The following THSD7B variants were observed in gnomAD, a reference collection of about 807,000 sequenced individuals.
THSD7B encodes thrombospondin type-1 domain-containing protein 7B.
Under a neutral mutation model 213.6 loss-of-function variants are expected in THSD7B, and 138 were observed. The observed-to-expected ratio is 0.65, with a 90% CI of 0.56 to 0.74. The LOEUF (loss-of-function observed/expected upper bound fraction) is 0.74, where lower values mean the gene tolerates loss of function less well. Ranked by LOEUF, THSD7B falls within the 30% of genes least tolerant of loss-of-function variation. The pLI is 0.00. For synonymous variants in THSD7B, 742 were observed against 687.0 expected (o/e 1.08, Z -1.25); for missense variants, 1,931 against 1,991.5 (o/e 0.97, Z 0.58).
intron 1 of THSD7B, among the ~76,000 whole-genome samples, chr2:136,834,604 A>G (rs78693586): frequency 0.02 from 3,058 of 152,200 alleles, 58 homozygotes; most frequent in East Asian, 0.081. Flanking sequence ...GTCTAGGACT[A>G]GGGGTATAGT....
chr2:137,200,449 G>A (rs538928315), intron 7 of THSD7B, among the ~76,000 whole-genome samples: 2 of 151,508 alleles, frequency 1.3e-5, no homozygotes, highest in East Asian at 3.9e-4. Context: ...TTTTTAATGA[G>A]TTTACATTGT....
chr2:136,887,795 C>T (rs1340899527), intron 2 of THSD7B, among the ~76,000 whole-genome samples: 1 of 152,032 alleles, frequency 6.6e-6, no homozygotes, highest in Non-Finnish European at 1.5e-5. Context: ...AAGTATAATA[C>T]TAACACTAAT....
At chr2:137,295,591 TCA>T (rs1405238520) in intron 12 of THSD7B, among the ~76,000 whole-genome samples, 1 of 152,070 alleles carries the variant, frequency 6.6e-6, no homozygotes, top group Admixed American at 6.5e-5. Context: ...TTCTCCTGCC[TCA>T]GTTTCCTGAG....
intron 5 of THSD7B, among the ~76,000 whole-genome samples, chr2:137,124,851 CT>C (rs1688605429): frequency 6.6e-6 from 1 of 152,124 alleles, no homozygotes; most frequent in African/African-American, 2.4e-5. Flanking sequence ...TACTTACCAT[CT>C]TTTTTGTGGT....
chr2:136,835,133 C>G (rs1682823185), intron 1 of THSD7B, among the ~76,000 whole-genome samples: 1 of 152,166 alleles, frequency 6.6e-6, no homozygotes, highest in African/African-American at 2.4e-5. Flanking sequence ...TATCAGGACT[C>G]TATTTCTATA....
At chr2:137,213,568 CAT>C in intron 7 of THSD7B, among the ~76,000 whole-genome samples, 1 of 150,248 alleles carries the variant, frequency 6.7e-6, no homozygotes, top group Non-Finnish European at 1.5e-5. Flanking sequence ...TGTGGATAAT[CAT>C]ATATAATGAT....
chr2:137,078,003 T>C (rs941813828), intron 3 of THSD7B, among the ~76,000 whole-genome samples: 1 of 152,340 alleles, frequency 6.6e-6, no homozygotes, highest in African/African-American at 2.4e-5. Flanking sequence ...AATTTTTGTA[T>C]AAGATGTAAG....
intron 15 of THSD7B, among the ~76,000 whole-genome samples, chr2:137,554,568 C>T (rs1255582573): frequency 7.2e-5 from 11 of 152,154 alleles, no homozygotes; most frequent in South Asian, 4.2e-4. Context: ...AGAGGGGAGG[C>T]GGTTCCAAGA....
At chr2:137,525,739 C>T (rs930060587) in intron 15 of THSD7B, among the ~76,000 whole-genome samples, 2 of 152,090 alleles carry the variant, frequency 1.3e-5, no homozygotes, top group African/African-American at 4.8e-5. Flanking sequence ...GAGAAGAAAG[C>T]TGGAGATCAA....
chr2:137,282,545 AT>A (rs1683052310), intron 12 of THSD7B, among the ~76,000 whole-genome samples: 1 of 152,128 alleles, frequency 6.6e-6, no homozygotes, highest in Non-Finnish European at 1.5e-5. Context: ...TAGGTCTAAC[AT>A]TTAAGTCTTT....
chr2:137,358,528 T>G (rs980869917), intron 12 of THSD7B, among the ~76,000 whole-genome samples: 4 of 152,210 alleles, frequency 2.6e-5, no homozygotes, highest in Non-Finnish European at 5.9e-5. Flanking sequence ...CAAAATATCT[T>G]AAAAATACCA....
intron 5 of THSD7B, among the ~76,000 whole-genome samples, chr2:137,148,018 G>T (rs1679737548): frequency 6.6e-6 from 1 of 152,012 alleles, no homozygotes; most frequent in South Asian, 2.1e-4. Context: ...GTTTAGCTGT[G>T]TCCCCACCCA....
At position 137,572,557 on chromosome 2, in the gene THSD7B, G is replaced by A. The variant is rs766932981; in HGVS notation, c.3423+1G>A. 1 of 1,613,624 alleles carries A rather than the reference G, an allele frequency of 6.2e-7. No individual in the cohort carries two copies. The highest frequency in any genetic ancestry group is 8.5e-7 in the Non-Finnish European group (1 of 1,179,680). The stretch of plus-strand genomic sequence containing the variant: ...GGGACTTTGGAGCAAATGCCCACAG[G>A]TAATTTCTCTTTCTTTGTCAATGCT... On this transcript the variant is annotated splice_donor_variant, in intron 17 of 27. Coordinates refer to ENST00000409968, the MANE Select transcript of THSD7B (RefSeq NM_001316349.2). LOFTEE classifies it high-confidence loss of function.
At chr2:137,616,127 A>G (rs568626595) in intron 17 of THSD7B, 48 bp from the exon 18 acceptor site, 2 of 1,595,344 alleles carry the variant, frequency 1.3e-6, no homozygotes, top group Admixed American at 1.8e-5. Context: ...TATATAATTT[A>G]TCAAATAACT....
At position 136,802,639 on chromosome 2, in the gene THSD7B, T is replaced by TTATATATATATATA. The variant is rs56719114; in HGVS notation, c.-36+36982_-36+36995dup. The stretch of plus-strand genomic sequence containing the variant: ...TTTAAAAATAATTTATGAATTAAGT[T>TTATATATATATATA]TATATATATATATATATATATATAT... On this transcript the variant is annotated intron_variant, in intron 1 of 27. Transcript: ENST00000409968. 3.5e-3 allele frequency among the ~76,000 whole-genome samples: 201 copies of TTATATATATATATA among 57,354 alleles called. 9 individuals are homozygous for TTATATATATATATA. Among genetic ancestry groups the TTATATATATATATA allele is most frequent in the Non-Finnish European group, 4.4e-3 (112 of 25,584 alleles). 37.6% of individuals were successfully genotyped at this position (57,354 alleles called of 152,430 possible).
chr2:137,193,530 G>C (rs369379055), intron 7 of THSD7B, among the ~76,000 whole-genome samples: 20 of 152,068 alleles, frequency 1.3e-4, no homozygotes, highest in African/African-American at 4.6e-4. Flanking sequence ...GGAAACAGAA[G>C]TGACAGGACA....
At chr2:137,343,159 GTTGTTTTTGTTT>G (rs558584111) in intron 12 of THSD7B, among the ~76,000 whole-genome samples, 1 of 147,234 alleles carries the variant, frequency 6.8e-6, no homozygotes, top group African/African-American at 2.5e-5. Flanking sequence ...GTGTTTTTTT[GTTGTTTTTGTTT>G]TTGTTTTTGT....
At chr2:137,620,793 C>A in intron 20 of THSD7B, 67 bp downstream of exon 20, 3 of 1,334,138 alleles carry the variant, frequency 2.2e-6, no homozygotes, top group Non-Finnish European at 3.2e-6. Flanking sequence ...TATGCCATAG[C>A]TTGATAAATG....
intron 12 of THSD7B, among the ~76,000 whole-genome samples, chr2:137,324,118 T>A (rs1304518319): frequency 6.6e-6 from 1 of 152,140 alleles, no homozygotes; most frequent in Non-Finnish European, 1.5e-5. Flanking sequence ...TCACTACAGG[T>A]CAACTTAGGA....
Sources: allele counts gnomAD v4.1 joint callset (sites outside exome capture counted in the v4.1 genomes callset), GRCh38; gene constraint gnomAD v4.1.1; transcripts MANE v1.5; gene names NCBI Gene and HGNC (gene_info 2026-07-23, HGNC 2026-07-21).